Variants in USP25 observed in about 807,000 individuals in gnomAD.
The protein encoded by USP25 is ubiquitin specific peptidase 25.
USP25 carries 85 observed loss-of-function variants against 158.5 expected under a neutral mutation model. That is an observed-to-expected ratio of 0.54 (90% CI 0.45 to 0.64). The LOEUF (loss-of-function observed/expected upper bound fraction) is 0.64, where lower values mean the gene tolerates loss of function less well. USP25 is among the 30% of genes least tolerant of loss of function. The pLI, the probability that USP25 is intolerant of heterozygous loss-of-function variation, is 0.00. For missense variants in USP25, 1,242 were observed against 1,327.3 expected (o/e 0.94, Z 1.00); for synonymous variants, 464 against 460.4 (o/e 1.01, Z -0.10).
intron 19 of USP25, among the ~76,000 whole-genome samples, chr21:15,849,109 A>G (rs934976135): frequency 2.6e-5 from 4 of 152,166 alleles, no homozygotes; most frequent in Admixed American, 2.6e-4. Flanking sequence ...AAACCTATCA[A>G]TTTATTGATT....
intron 3 of USP25, among the ~76,000 whole-genome samples, chr21:15,771,311 C>T (rs2034337048): frequency 6.6e-6 from 1 of 151,950 alleles, no homozygotes; most frequent in Non-Finnish European, 1.5e-5. Context: ...TGGAAGAGCT[C>T]ATATTTGAGG....
At position 15,866,300 on chromosome 21, in the gene USP25, C is replaced by T. The variant is rs752685546; in HGVS notation, c.2761C>T (p.Leu921=). The T allele has an allele frequency of 1.7e-5, 28 of 1,603,426 alleles. No individual in the cohort carries two copies. Among genetic ancestry groups the T allele is most frequent in the Non-Finnish European group, 2.2e-5 (26 of 1,175,080 alleles). ...HNIMKVAQAK[L]EMIKPEEVNL... ...CATAATGAAAGTTGCTCAAGCCAAA[C>T]TGGAAATGATAAAACCTGAAGAAGT... The change falls in exon 22 of 26, where the codon CTG becomes TTG. Residue 921 remains leucine (L), a synonymous_variant. Transcript: ENST00000400183.
chr21:15,740,161 G>T (rs1231322903), intron 1 of USP25, among the ~76,000 whole-genome samples: 1 of 152,176 alleles, frequency 6.6e-6, no homozygotes, highest in African/African-American at 2.4e-5. Flanking sequence ...AGACTTCTGT[G>T]CCTCACCCTA....
At chr21:15,845,983 A>G (rs2038566198) in intron 18 of USP25, among the ~76,000 whole-genome samples, 2 of 151,450 alleles carry the variant, frequency 1.3e-5, no homozygotes, top group South Asian at 2.1e-4. Flanking sequence ...CAGCCGTTAC[A>G]TACCTGGTGT....
chr21:15,766,038 T>G lies in USP25; in HGVS notation c.165T>G (p.Thr55=). Residue 55 remains threonine, a synonymous_variant, in exon 3 of 26, where the codon ACT becomes ACG. Transcript: ENST00000400183. This position sits in a 1 kb window ranked among gnomAD's most constrained non-coding sequence, Gnocchi z 4.0. ...GNLELAVAFL[T]AKNAKTPQQE... ...TGGAATTAGCAGTGGCTTTCCTTAC[T>G]GCGAAGAATGCTAAGACCCCTCAGC... 1.2e-6 allele frequency: 2 copies of G among 1,609,574 alleles called. No individual in the cohort carries two copies. Among genetic ancestry groups the G allele is most frequent in the South Asian group, 1.1e-5 (1 of 90,652 alleles).
chr21:15,805,150 G>A lies in USP25; in HGVS notation c.672G>A (p.Glu224=), dbSNP rs1369637365. The A allele has an allele frequency of 6.2e-7, 1 of 1,602,872 alleles. No individual in the cohort carries two copies. The highest frequency in any genetic ancestry group is 8.5e-7 in the Non-Finnish European group (1 of 1,175,674). Residue 224 remains glutamate, a synonymous_variant, in exon 7 of 26, where the codon GAG becomes GAA. Transcript: ENST00000400183. ...KEHRNLPFMR[E]LRYLFALLVG... The stretch of plus-strand genomic sequence containing the variant: ...ATCGGAATTTGCCTTTTATGCGTGA[G>A]CTGAGGTATCTATTTGCACTTCTTG...
intron 3 of USP25, among the ~76,000 whole-genome samples, chr21:15,769,133 A>G (rs2034205579): frequency 6.6e-6 from 1 of 152,110 alleles, no homozygotes; most frequent in African/African-American, 2.4e-5. Flanking sequence ...GTTTATGCAT[A>G]CCTGGTGTGT....
At chr21:15,777,167 G>A (rs977137854) in intron 3 of USP25, among the ~76,000 whole-genome samples, 1 of 152,260 alleles carries the variant, frequency 6.6e-6, no homozygotes, top group Non-Finnish European at 1.5e-5. Context: ...ATACTTAATA[G>A]CATCAAGGCT....
chr21:15,832,893 CTGT>C (rs2037877490), intron 16 of USP25, among the ~76,000 whole-genome samples: 1 of 152,012 alleles, frequency 6.6e-6, no homozygotes. Context: ...TGGTGGGCAC[CTGT>C]AGTCTCAGCT....
intron 17 of USP25, among the ~76,000 whole-genome samples, chr21:15,834,457 G>A (rs1248842479): frequency 1.3e-5 from 2 of 151,288 alleles, no homozygotes. Flanking sequence ...TGCAAGATCT[G>A]CATGTTTTGT....
intron 1 of USP25, among the ~76,000 whole-genome samples, chr21:15,738,689 A>G (rs1339901670): frequency 6.6e-6 from 1 of 152,190 alleles, no homozygotes; most frequent in Non-Finnish European, 1.5e-5. Flanking sequence ...GGAGGAGACC[A>G]CGCCTCATAT....
intron 20 of USP25, among the ~76,000 whole-genome samples, chr21:15,851,358 C>T (rs1290151691): frequency 6.6e-6 from 1 of 151,974 alleles, no homozygotes; most frequent in Non-Finnish European, 1.5e-5. Context: ...GGCATTAATT[C>T]ATATCTTTAA....
chr21:15,786,652 A>C (rs2035293519), intron 4 of USP25, among the ~76,000 whole-genome samples: 2 of 152,290 alleles, frequency 1.3e-5, no homozygotes, highest in South Asian at 2.1e-4. Context: ...TGAGAAACCC[A>C]CAGCTAGTAG....
chr21:15,775,158 T>C (rs1358955525), intron 3 of USP25, among the ~76,000 whole-genome samples: 1 of 152,206 alleles, frequency 6.6e-6, no homozygotes, highest in African/African-American at 2.4e-5. Context: ...TTATAAAATA[T>C]ATTTGGGGAA....
At chr21:15,804,373 A>C (rs189723475) in intron 6 of USP25, among the ~76,000 whole-genome samples, 33 of 151,474 alleles carry the variant, frequency 2.2e-4, no homozygotes, top group African/African-American at 7.7e-4. Context: ...CTAATTATTA[A>C]ATTAATAAAA....
At chr21:15,787,304 T>C (rs1040493350) in intron 4 of USP25, among the ~76,000 whole-genome samples, 1 of 152,052 alleles carries the variant, frequency 6.6e-6, no homozygotes, top group Non-Finnish European at 1.5e-5. Flanking sequence ...AAAGCAAGCC[T>C]GAACAAAAGG....
intron 9 of USP25, among the ~76,000 whole-genome samples, chr21:15,812,109 T>A (rs1285386719): frequency 6.6e-6 from 1 of 150,914 alleles, no homozygotes; most frequent in Non-Finnish European, 1.5e-5. Context: ...ATATAAGTTG[T>A]TTTATATATA....
intron 4 of USP25, among the ~76,000 whole-genome samples, chr21:15,791,231 A>G (rs1022048416): frequency 6.6e-5 from 10 of 151,860 alleles, no homozygotes; most frequent in African/African-American, 1.9e-4. Context: ...CTAATATCTA[A>G]TTTGTTGAAA....
intron 1 of USP25, among the ~76,000 whole-genome samples, chr21:15,757,226 ACT>A (rs2033439007): frequency 6.6e-6 from 1 of 152,178 alleles, no homozygotes; most frequent in African/African-American, 2.4e-5. Flanking sequence ...GGCTTCTCTA[ACT>A]TAAACTTAGG....
Sources: gnomAD v4.1 joint callset for allele counts (sites outside exome capture counted in the v4.1 genomes callset) on GRCh38, gnomAD v4.1.1 for gene constraint, Gnocchi (gnomAD v3.1) non-coding constraint, MANE v1.5 for transcripts, NCBI Gene and HGNC (gene_info 2026-07-23, HGNC 2026-07-21) for gene names.